The following FAM110B variants were observed in gnomAD, a reference collection of about 807,000 sequenced individuals.
The protein encoded by FAM110B is protein FAM110B.
FAM110B carries 6 observed loss-of-function variants against 20.4 expected under a neutral mutation model. That is an observed-to-expected ratio of 0.29 (90% CI 0.16 to 0.58). The LOEUF (loss-of-function observed/expected upper bound fraction) is 0.58, where lower values mean the gene tolerates loss of function less well. Ranked by LOEUF, FAM110B falls within the 20% of genes least tolerant of loss-of-function variation. FAM110B has a pLI of 0.90. For missense variants in FAM110B, 434 were observed against 498.2 expected (o/e 0.87, Z 1.23); for synonymous variants, 226 against 214.1 (o/e 1.06, Z -0.49).
At chr8:58,022,578 T>A (rs1258278080) in intron 1 of FAM110B, among the ~76,000 whole-genome samples, 1 of 152,228 alleles carries the variant, frequency 6.6e-6, no homozygotes, top group South Asian at 2.1e-4. Context: ...TAAAACATGA[T>A]GTCTCAATAA....
chr8:58,079,119 T>A (rs1806120051), intron 3 of FAM110B, among the ~76,000 whole-genome samples: 1 of 152,150 alleles, frequency 6.6e-6, no homozygotes, highest in South Asian at 2.1e-4. Flanking sequence ...GCCAAGAGAA[T>A]GACTCAGAGA....
At chr8:58,086,848 T>TGACTTATGTGATATTGCACAAGGTGAG (rs1318112273) in intron 3 of FAM110B, among the ~76,000 whole-genome samples, 1 of 152,262 alleles carries the variant, frequency 6.6e-6, no homozygotes, top group Non-Finnish European at 1.5e-5. Context: ...CTGTCATGAC[T>TGACTTATGTGATATTGCACAAGGTGAG]GACTTATGTG....
chr8:58,075,269 T>TGTGTGTGTGTGTGTGTG lies in FAM110B; in HGVS notation c.-413-266_-413-265insGTGTGTGTGTGTGTGTG, dbSNP rs1554521049. Among the ~76,000 whole-genome samples the TGTGTGTGTGTGTGTGTG allele has an allele frequency of 2.0e-3, 245 of 122,388 alleles. 2 individuals are homozygous for TGTGTGTGTGTGTGTGTG. Among genetic ancestry groups the TGTGTGTGTGTGTGTGTG allele is most frequent in the African/African-American group, 0.01 (239 of 23,552 alleles). 80.3% of individuals were successfully genotyped at this position (122,388 alleles called of 152,430 possible). On this transcript the variant is annotated intron_variant, in intron 2 of 3. Coordinates refer to ENST00000519262, the MANE Select transcript of FAM110B (RefSeq NM_001377989.1). ...ACACTGAACTAATTTTTGCTTTTTT[T>TGTGTGTGTGTGTGTGTG]TTTTTTTGTGTGTGTGTGTGTGTGT...
chr8:58,029,865 A>ATGTG (rs1804931928), intron 1 of FAM110B, among the ~76,000 whole-genome samples: 1 of 152,216 alleles, frequency 6.6e-6, no homozygotes, highest in South Asian at 2.1e-4. Flanking sequence ...AGTTCTCCAT[A>ATGTG]TGTGGTATTA....
At chr8:58,089,593 A>G (rs1434901546) in intron 3 of FAM110B, among the ~76,000 whole-genome samples, 1 of 152,232 alleles carries the variant, frequency 6.6e-6, no homozygotes, top group Non-Finnish European at 1.5e-5. Flanking sequence ...CATCAAAATA[A>G]TTATGGCAAT....
intron 1 of FAM110B, among the ~76,000 whole-genome samples, chr8:58,023,111 C>T (rs1804788382): frequency 6.6e-6 from 1 of 152,152 alleles, no homozygotes; most frequent in African/African-American, 2.4e-5. Context: ...TAGTGGAAAA[C>T]AAATTTGTTG....
At chr8:58,096,914 G>C (rs1051789506) in intron 3 of FAM110B, among the ~76,000 whole-genome samples, 1 of 152,218 alleles carries the variant, frequency 6.6e-6, no homozygotes, top group Non-Finnish European at 1.5e-5. Flanking sequence ...GAGATCTGCT[G>C]TTAGTCTGAT....
intron 2 of FAM110B, among the ~76,000 whole-genome samples, chr8:58,074,509 C>T (rs1047285882): frequency 6.6e-6 from 1 of 152,224 alleles, no homozygotes; most frequent in Non-Finnish European, 1.5e-5. Context: ...GGAGCCACCT[C>T]AGTGGGACAT....
chr8:58,009,809 G>A (rs1304967734), intron 1 of FAM110B, among the ~76,000 whole-genome samples: 1 of 152,152 alleles, frequency 6.6e-6, no homozygotes, highest in African/African-American at 2.4e-5. Flanking sequence ...AGTAATAACT[G>A]AAAGCAAGAA....
chr8:58,124,384 C>A (rs1391025947), intron 3 of FAM110B, among the ~76,000 whole-genome samples: 1 of 152,212 alleles, frequency 6.6e-6, no homozygotes, highest in African/African-American at 2.4e-5. Flanking sequence ...TTGGGTTGCA[C>A]TGTCTACCAG....
In FAM110B at chr8:58,147,266, G is replaced by T; in HGVS notation, c.1036G>T (p.Glu346Ter). ...DRVPYGISAI[E>*]RNARIIKWLY... ...CGTGCCGTATGGCATTTCTGCCATCGAAAGAAATGCTAGAATCATCAAGTG... is the reference window on the plus strand; with the variant it reads ...CGTGCCGTATGGCATTTCTGCCATCTAAAGAAATGCTAGAATCATCAAGTG... The change falls in exon 4 of 4, where the codon GAA (glutamate) becomes TAA (stop). Residue 346 changes from glutamate (E) to a stop codon, truncating the protein, a stop_gained. Coordinates refer to ENST00000519262, the MANE Select transcript of FAM110B (RefSeq NM_001377989.1). LOFTEE classifies it high-confidence loss of function. The T allele has an allele frequency of 6.2e-7, 1 of 1,614,084 alleles. No individual in the cohort carries two copies.
intron 3 of FAM110B, among the ~76,000 whole-genome samples, chr8:58,127,415 T>C (rs1424071947): frequency 6.6e-6 from 1 of 152,236 alleles, no homozygotes; most frequent in East Asian, 1.9e-4. Flanking sequence ...AGCATAATCT[T>C]GCATAAGCTC....
intron 2 of FAM110B, among the ~76,000 whole-genome samples, chr8:58,067,844 A>C (rs546763029): frequency 6.6e-6 from 1 of 152,338 alleles, no homozygotes; most frequent in African/African-American, 2.4e-5. Context: ...AAGAGGACTC[A>C]TTCCAGAGGT....
chr8:58,112,289 A>G (rs1807077974), intron 3 of FAM110B, among the ~76,000 whole-genome samples: 6 of 152,218 alleles, frequency 3.9e-5, no homozygotes, highest in Admixed American at 2.0e-4. Context: ...AGATTGAGCC[A>G]CTGCACTCCA....
At chr8:58,098,154 C>G (rs1806681544) in intron 3 of FAM110B, among the ~76,000 whole-genome samples, 4 of 152,218 alleles carry the variant, frequency 2.6e-5, no homozygotes, top group Admixed American at 6.5e-5. Context: ...GCCACCCCTT[C>G]CCCCAGGTGT....
chr8:58,138,708 T>G (rs1259735777), intron 3 of FAM110B, among the ~76,000 whole-genome samples: 1 of 152,222 alleles, frequency 6.6e-6, no homozygotes, highest in African/African-American at 2.4e-5. Context: ...CTGTACCCAG[T>G]CCACTCCCTC....
chr8:58,080,713 A>G (rs1448910187), intron 3 of FAM110B, among the ~76,000 whole-genome samples: 1 of 152,220 alleles, frequency 6.6e-6, no homozygotes, highest in Non-Finnish European at 1.5e-5. Context: ...ATGTGTGTGT[A>G]TCTATGTTCA....
chr8:58,058,699 C>T (rs921630718), intron 2 of FAM110B, among the ~76,000 whole-genome samples: 1 of 151,978 alleles, frequency 6.6e-6, no homozygotes, highest in African/African-American at 2.4e-5. Context: ...TTAAATAAGA[C>T]ATTGAAAGGT....
intron 3 of FAM110B, among the ~76,000 whole-genome samples, chr8:58,132,276 G>A (rs932084801): frequency 1.3e-4 from 20 of 152,152 alleles, no homozygotes; most frequent in African/African-American, 3.9e-4. Context: ...ACTCCTAACC[G>A]CGGCTTCTCC....
Sources: allele counts gnomAD v4.1 joint callset (sites outside exome capture counted in the v4.1 genomes callset), GRCh38; gene constraint gnomAD v4.1.1; transcripts MANE v1.5; gene names NCBI Gene and HGNC (gene_info 2026-07-23, HGNC 2026-07-21).